MBOAT1: variants seen among roughly 807,000 people sequenced by gnomAD.
The protein encoded by MBOAT1 is membrane bound glycerophospholipid O-acyltransferase 1, also known as membrane-bound glycerophospholipid O-acyltransferase 1.
Under a neutral mutation model 64.4 loss-of-function variants are expected in MBOAT1, and 67 were observed. That is an observed-to-expected ratio of 1.04 (90% confidence interval 0.85 to 1.27). The LOEUF is 1.27. Ranked by LOEUF, MBOAT1 falls within the 50% of genes most tolerant of loss-of-function variation. The pLI, the probability that MBOAT1 is intolerant of heterozygous loss-of-function variation, is 0.00. For missense variants in MBOAT1, 563 were observed against 604.6 expected (o/e 0.93, Z 0.72); for synonymous variants, 229 against 218.9 (o/e 1.05, Z -0.41).
chr6:20,119,897 T>C (rs1760442512), intron 8 of MBOAT1, among the ~76,000 whole-genome samples: 1 of 152,212 alleles, frequency 6.6e-6, no homozygotes, highest in Non-Finnish European at 1.5e-5. Flanking sequence ...ACCAGCATCA[T>C]AACTACTTCT....
At chr6:20,156,318 C>G (rs2113702213) in intron 1 of MBOAT1, among the ~76,000 whole-genome samples, 1 of 151,720 alleles carries the variant, frequency 6.6e-6, no homozygotes, top group African/African-American at 2.4e-5. Flanking sequence ...CTTTTTACAC[C>G]AGAATCCTTT....
intron 1 of MBOAT1, 25 bp downstream of exon 1, chr6:20,212,111 C>G (rs962476818): frequency 1.9e-6 from 3 of 1,607,190 alleles, no homozygotes; most frequent in Non-Finnish European, 2.6e-6. Flanking sequence ...GAGCTGGGGT[C>G]GCTGCGCTCC....
intron 3 of MBOAT1, among the ~76,000 whole-genome samples, chr6:20,146,944 C>A (rs1389827778): frequency 6.6e-6 from 1 of 152,176 alleles, no homozygotes. Flanking sequence ...TTGTAGCTCC[C>A]AAATTCCCAC....
chr6:20,122,180 A>G (rs1046510848), intron 8 of MBOAT1, among the ~76,000 whole-genome samples: 7 of 152,094 alleles, frequency 4.6e-5, no homozygotes, highest in Admixed American at 1.3e-4. Context: ...AAATATATAT[A>G]TATTTCACAT....
chr6:20,159,040 G>A (rs899149164), intron 1 of MBOAT1, among the ~76,000 whole-genome samples: 2 of 152,152 alleles, frequency 1.3e-5, no homozygotes, highest in African/African-American at 4.8e-5. Flanking sequence ...ACTAGAATTT[G>A]CCACATGATC....
intron 3 of MBOAT1, among the ~76,000 whole-genome samples, chr6:20,145,795 A>G (rs1310580940): frequency 6.6e-6 from 1 of 152,154 alleles, no homozygotes; most frequent in Non-Finnish European, 1.5e-5. Flanking sequence ...TCTCCATCCA[A>G]TAGTCTATCT....
At chr6:20,146,252 T>C (rs190800748) in intron 3 of MBOAT1, among the ~76,000 whole-genome samples, 5 of 151,740 alleles carry the variant, frequency 3.3e-5, no homozygotes, top group African/African-American at 9.6e-5. Flanking sequence ...AAATAACTCA[T>C]GAAGACTAGA....
intron 3 of MBOAT1, among the ~76,000 whole-genome samples, chr6:20,146,836 T>G (rs549477853): frequency 4.7e-4 from 71 of 152,298 alleles, no homozygotes; most frequent in Middle Eastern, 3.4e-3. Flanking sequence ...TGGCCAAACC[T>G]AAAACATCTA....
intron 4 of MBOAT1, among the ~76,000 whole-genome samples, chr6:20,135,180 T>C (rs1760947006): frequency 6.6e-6 from 1 of 152,050 alleles, no homozygotes; most frequent in African/African-American, 2.4e-5. Context: ...ATGGATGAAG[T>C]AGGGCTATTT....
At chr6:20,177,966 G>T (rs1762397837) in intron 1 of MBOAT1, among the ~76,000 whole-genome samples, 1 of 151,936 alleles carries the variant, frequency 6.6e-6, no homozygotes, top group South Asian at 2.1e-4. Context: ...AATTCCTCCT[G>T]GTAGAATGGA....
At chr6:20,144,692 C>G (rs1268983597) in intron 3 of MBOAT1, among the ~76,000 whole-genome samples, 2 of 152,212 alleles carry the variant, frequency 1.3e-5, no homozygotes, top group Admixed American at 1.3e-4. Flanking sequence ...TCTTCACAGC[C>G]CTCATGTTTG....
At chr6:20,197,422 A>G (rs1762988915) in intron 1 of MBOAT1, among the ~76,000 whole-genome samples, 1 of 152,190 alleles carries the variant, frequency 6.6e-6, no homozygotes, top group South Asian at 2.1e-4. Context: ...GACAAAGGAC[A>G]GGCAGAACTC....
rs1760393221 is a variant in MBOAT1 at position 20,118,431 on chromosome 6, A to G, written c.1011+6T>C. On this transcript the variant is annotated splice_donor_region_variant and intron_variant, in intron 9 of 12. Transcript: ENST00000324607. ...ATGGAAGTTGGACTTAAAAGCATAC[A>G]CTCACCTCAATTTTCCAGATGTTTA... The G allele has an allele frequency of 6.2e-7, 1 of 1,610,438 alleles. No homozygotes were observed. The highest frequency in any genetic ancestry group is 8.5e-7 in the Non-Finnish European group (1 of 1,176,926).
At chr6:20,194,876 T>G (rs542733211) in intron 1 of MBOAT1, among the ~76,000 whole-genome samples, 9 of 152,214 alleles carry the variant, frequency 5.9e-5, no homozygotes, top group Non-Finnish European at 2.9e-5. Flanking sequence ...TATATCGGTA[T>G]GAACTCACAG....
chr6:20,194,054 A>C (rs1394842689), intron 1 of MBOAT1, among the ~76,000 whole-genome samples: 1 of 152,168 alleles, frequency 6.6e-6, no homozygotes, highest in African/African-American at 2.4e-5. Flanking sequence ...CTCTAAATGG[A>C]CGGCCTCAAT....
At chr6:20,193,318 T>G (rs1199669652) in intron 1 of MBOAT1, among the ~76,000 whole-genome samples, 1 of 152,040 alleles carries the variant, frequency 6.6e-6, no homozygotes, top group Non-Finnish European at 1.5e-5. Flanking sequence ...TAATTTCTTA[T>G]AAGCAGATTT....
chr6:20,157,634 T>C (rs895019080), intron 1 of MBOAT1, among the ~76,000 whole-genome samples: 10 of 152,094 alleles, frequency 6.6e-5, no homozygotes, highest in Middle Eastern at 6.8e-3. Context: ...CCCCAAAACA[T>C]CCTCATTTCA....
At chr6:20,133,186 A>G (rs1760882410) in intron 4 of MBOAT1, among the ~76,000 whole-genome samples, 1 of 152,206 alleles carries the variant, frequency 6.6e-6, no homozygotes, top group South Asian at 2.1e-4. Flanking sequence ...TGAGGCTGAG[A>G]GAGGGAAAGA....
chr6:20,176,894 G>T (rs565097597), intron 1 of MBOAT1, among the ~76,000 whole-genome samples: 1 of 152,276 alleles, frequency 6.6e-6, no homozygotes, highest in South Asian at 2.1e-4. Flanking sequence ...AAAGTGCTGG[G>T]ATTACAGGTG....
Sources: allele counts gnomAD v4.1 joint callset (sites outside exome capture counted in the v4.1 genomes callset), GRCh38; gene constraint gnomAD v4.1.1; transcripts MANE v1.5; gene names NCBI Gene and HGNC (gene_info 2026-07-23, HGNC 2026-07-21).